PARD3B: variants seen among roughly 807,000 people sequenced by gnomAD.
PARD3B encodes the protein partitioning defective 3 homolog B.
A neutral mutation model predicts 130.2 loss-of-function variants in PARD3B; 103 were observed. The ratio of observed to expected loss-of-function variants is 0.79; its 90% CI spans 0.67 to 0.93. The LOEUF is 0.93. Among genes scored for constraint, PARD3B ranks in the 40% least tolerant of loss-of-function variants. The probability of loss-of-function intolerance (pLI) is 0.00; values close to 1 mark genes in which losing one functional copy is unlikely to be tolerated. For synonymous variants in PARD3B, 583 were observed against 553.2 expected, an observed-to-expected ratio of 1.05 and a Z score of -0.76; for missense variants, 1,609 against 1,499.2, an observed-to-expected ratio of 1.07 and a Z score of -1.21.
Position 205,421,253 on chromosome 2 carries a change from A to T in PARD3B, c.2742-19117A>T, listed in dbSNP as rs886834485. On this transcript the variant is annotated intron_variant, in intron 19 of 22. Coordinates refer to ENST00000406610, the MANE Select transcript of PARD3B (RefSeq NM_001302769.2). The surrounding 1 kb of genome is among the most constrained non-coding windows in gnomAD (Gnocchi z 5.1). ...TAACATCATCTGTTTTAGACTCACT[A>T]TTCTCCTCTAGGTGGCCATTTCTTG... Among the ~76,000 whole-genome samples the T allele has an allele frequency of 6.6e-6, 1 of 152,124 alleles. No individual in the cohort carries two copies. Among genetic ancestry groups the T allele is most frequent in the Admixed American group, 6.6e-5 (1 of 15,258 alleles).
At chr2:204,936,579 A>C (rs1429485860) in intron 2 of PARD3B, among the ~76,000 whole-genome samples, 2 of 152,230 alleles carry the variant, frequency 1.3e-5, no homozygotes, top group African/African-American at 4.8e-5. Flanking sequence ...CTACTTTTAC[A>C]GATGATGGAG....
At chr2:205,475,420 A>T (rs953618221) in intron 20 of PARD3B, among the ~76,000 whole-genome samples, 2 of 152,202 alleles carry the variant, frequency 1.3e-5, no homozygotes, top group African/African-American at 4.8e-5. Context: ...TTTGATAGAC[A>T]GCTAACTCGG....
chr2:204,797,631 C>T (rs191449048), intron 2 of PARD3B, among the ~76,000 whole-genome samples: 77 of 152,202 alleles, frequency 5.1e-4, no homozygotes, highest in African/African-American at 1.8e-3. Context: ...AAACAGATAC[C>T]ACTATTTTAC....
rs2030717240 is a variant in PARD3B at position 205,121,558 on chromosome 2, G to A, written c.807-33G>A. The stretch of plus-strand genomic sequence containing the variant: ...TTAGAAGATGCTGCACCTCAAAGCA[G>A]GGTCATCATACATTTATCAACTTTC... On this transcript the variant is annotated intron_variant, in intron 7 of 22. Coordinates refer to ENST00000406610, the MANE Select transcript of PARD3B (RefSeq NM_001302769.2). The surrounding 1 kb of genome is among the most constrained non-coding windows in gnomAD (Gnocchi z 5.0). 1 of 1,583,314 alleles carries A rather than the reference G, an allele frequency of 6.3e-7. No individual in the cohort carries two copies. Among genetic ancestry groups the A allele is most frequent in the South Asian group, 1.1e-5 (1 of 88,394 alleles).
intron 18 of PARD3B, among the ~76,000 whole-genome samples, chr2:205,380,982 T>A (rs1234429075): frequency 9.2e-6 from 1 of 108,642 alleles, no homozygotes; most frequent in Non-Finnish European, 1.7e-5. Flanking sequence ...ATATATTATA[T>A]ATAATATCTA....
chr2:205,416,429 G>C (rs1559072914), intron 19 of PARD3B, among the ~76,000 whole-genome samples: 1 of 152,216 alleles, frequency 6.6e-6, no homozygotes, highest in East Asian at 1.9e-4. Flanking sequence ...CCAGTGAAGA[G>C]AATTAGGTTC....
intron 14 of PARD3B, among the ~76,000 whole-genome samples, chr2:205,190,252 A>G (rs2036321161): frequency 6.6e-6 from 1 of 152,168 alleles, no homozygotes; most frequent in Non-Finnish European, 1.5e-5. Flanking sequence ...TTAAGAGGAT[A>G]AACTAAGACA....
At chr2:205,527,886 G>T (rs146881716) in intron 21 of PARD3B, among the ~76,000 whole-genome samples, 35 of 152,266 alleles carry the variant, frequency 2.3e-4, no homozygotes, top group Non-Finnish European at 4.6e-4. Flanking sequence ...CTACTGTAAA[G>T]CCTAGTCCTC....
chr2:204,598,986 A>T (rs913857484), intron 1 of PARD3B, among the ~76,000 whole-genome samples: 1 of 151,958 alleles, frequency 6.6e-6, no homozygotes, highest in Admixed American at 6.6e-5. Context: ...ATTACTAATG[A>T]AGTTAATTGT....
At chr2:205,277,894 T>A (rs530944214) in intron 16 of PARD3B, among the ~76,000 whole-genome samples, 5 of 151,976 alleles carry the variant, frequency 3.3e-5, no homozygotes, top group Admixed American at 6.5e-5. Context: ...AGGGAGAAAG[T>A]GTATAAATAA....
At chr2:205,395,347 TG>T (rs1351217528) in intron 18 of PARD3B, among the ~76,000 whole-genome samples, 1 of 152,230 alleles carries the variant, frequency 6.6e-6, no homozygotes, top group East Asian at 1.9e-4. Context: ...CTCACCTCGT[TG>T]GGCATCTCAG....
intron 2 of PARD3B, among the ~76,000 whole-genome samples, chr2:204,795,875 A>G (rs899366103): frequency 6.6e-6 from 1 of 152,228 alleles, no homozygotes; most frequent in Non-Finnish European, 1.5e-5. Flanking sequence ...CTTATTTTAA[A>G]AGAAAGATTG....
At chr2:205,594,967 C>T (rs1250246805) in intron 22 of PARD3B, among the ~76,000 whole-genome samples, 2 of 152,132 alleles carry the variant, frequency 1.3e-5, no homozygotes, top group Non-Finnish European at 2.9e-5. Context: ...AGTGTGACTT[C>T]GAACTCAGAA....
intron 22 of PARD3B, among the ~76,000 whole-genome samples, chr2:205,602,461 C>T (rs2054826352): frequency 6.6e-6 from 1 of 152,164 alleles, no homozygotes; most frequent in Non-Finnish European, 1.5e-5. Context: ...GTATCAGCTC[C>T]TCTTTGTACC....
chr2:205,124,869 A>G (rs1009439931), intron 9 of PARD3B, among the ~76,000 whole-genome samples: 3 of 152,336 alleles, frequency 2.0e-5, no homozygotes, highest in East Asian at 3.9e-4. Flanking sequence ...AGGTCATTCT[A>G]TGCTTTGTCC....
rs577107807 is a variant in PARD3B, at chr2:204,799,943, A to G, written c.222+113661A>G. Among the ~76,000 whole-genome samples the G allele has an allele frequency of 3.0e-4, 46 of 152,350 alleles. No homozygotes were observed. The highest frequency in any genetic ancestry group is 3.2e-4 in the Non-Finnish European group (22 of 68,030). On this transcript the variant is annotated intron_variant, in intron 2 of 22. Coordinates refer to ENST00000406610, the MANE Select transcript of PARD3B (RefSeq NM_001302769.2). The surrounding 1 kb of genome is among the most constrained non-coding windows in gnomAD (Gnocchi z 4.1). ...ACAAGCCAAGACTGTGAAGGCTACA[A>G]TAAATACCTAACTCTACAATGCCCT...
chr2:204,931,799 A>G (rs1426930029), intron 2 of PARD3B, among the ~76,000 whole-genome samples: 1 of 152,060 alleles, frequency 6.6e-6, no homozygotes, highest in African/African-American at 2.4e-5. Context: ...AGTGGGGGGC[A>G]GGGAAGAGAA....
chr2:205,268,133 A>G lies in PARD3B; in HGVS notation c.2185+22311A>G, dbSNP rs1226563631. 6.6e-6 allele frequency among the ~76,000 whole-genome samples: 1 copy of G among 152,188 alleles called. No individual in the cohort carries two copies. Among genetic ancestry groups the G allele is most frequent in the Non-Finnish European group, 1.5e-5 (1 of 68,018 alleles). On this transcript the variant is annotated intron_variant, in intron 16 of 22. Transcript: ENST00000406610. This position sits in a 1 kb window ranked among gnomAD's most constrained non-coding sequence, Gnocchi z 4.1. ...AATGAGAAAGAATGCTGACACAGAA[A>G]TGTTTTAGAGTCAACTGCAAGAACT...
chr2:204,553,661 T>C (rs1273586548), intron 1 of PARD3B, among the ~76,000 whole-genome samples: 23 of 12,730 alleles, frequency 1.8e-3, no homozygotes, highest in African/African-American at 2.7e-3. Flanking sequence ...CATATATATA[T>C]ATATATATAT....
Sources: gnomAD v4.1 joint callset for allele counts (sites outside exome capture counted in the v4.1 genomes callset) on GRCh38, gnomAD v4.1.1 for gene constraint, Gnocchi (gnomAD v3.1) non-coding constraint, MANE v1.5 for transcripts, NCBI Gene and HGNC (gene_info 2026-07-23, HGNC 2026-07-21) for gene names.